HELZ: variants seen among roughly 807,000 people sequenced by gnomAD.
The protein encoded by HELZ is ATP-dependent RNA helicase with zinc finger domain.
HELZ carries 23 observed loss-of-function variants against 218.2 expected under a neutral mutation model. That is an observed-to-expected ratio of 0.11 (90% confidence interval 0.08 to 0.15). The LOEUF (loss-of-function observed/expected upper bound fraction) is 0.15, where lower values mean the gene tolerates loss of function less well. HELZ is among the 10% of genes least tolerant of loss of function. The pLI is 1.00. For synonymous variants in HELZ, 814 were observed against 829.4 expected (o/e 0.98, Z 0.32); for missense variants, 1,813 against 2,353.7 (o/e 0.77, Z 4.75).
At chr17:67,227,605 C>G (rs60346896) in intron 3 of HELZ, among the ~76,000 whole-genome samples, 4,698 of 152,176 alleles carry the variant, frequency 0.031, 248 homozygotes, top group African/African-American at 0.11. Context: ...AAGAATGGAG[C>G]CTCAAAAAGA....
At position 67,107,545 on chromosome 17, in the gene HELZ, G is replaced by A; in HGVS notation, c.4865C>T (p.Pro1622Leu). The A allele has an allele frequency of 1.2e-6, 2 of 1,614,158 alleles. No individual in the cohort carries two copies. The highest frequency in any genetic ancestry group is 1.7e-6 in the Non-Finnish European group (2 of 1,180,030). ...GTGGCTACTGTGGTCTGTACTGGAT[G>A]GGGGAGATGGGACTGCTGGTGGGCT... is the stretch of plus-strand genomic sequence containing the variant. ...SRSPPAVPSP[P>L]SSTDHSSHFS... The change falls in exon 31 of 33, where the codon CCA becomes CTA. Residue 1622 changes from proline (P) to leucine (L), a missense_variant. Coordinates refer to ENST00000358691, the MANE Select transcript of HELZ (RefSeq NM_014877.4).
chr17:67,180,680 C>T (rs1236785947), intron 12 of HELZ, among the ~76,000 whole-genome samples: 2 of 152,020 alleles, frequency 1.3e-5, no homozygotes, highest in African/African-American at 2.4e-5. Flanking sequence ...GAGTTCAAGA[C>T]CAGCCTGAGC....
chr17:67,164,180 G>A (rs1432914123), intron 15 of HELZ, among the ~76,000 whole-genome samples: 1 of 152,192 alleles, frequency 6.6e-6, no homozygotes, highest in Admixed American at 6.5e-5. Flanking sequence ...AAAGCTCAGA[G>A]TTTACCCAGA....
rs1235461166 is a variant in HELZ, at chr17:67,108,623, T to C, written c.4593A>G (p.Pro1531=). 5 of 1,614,054 alleles carry C rather than the reference T, an allele frequency of 3.1e-6. No individual in the cohort carries two copies. Among genetic ancestry groups the C allele is most frequent in the African/African-American group, 1.3e-5 (1 of 75,020 alleles). ...HHAFLSQGSA[P]YPHHHHPHLQ... is the part of the protein sequence containing the mutation. ...GGTGAGGATGGTGATGGTGTGGGTATGGAGCGCTGCCCTGACTGAGAAAGG... is the reference window on the plus strand; with the variant it reads ...GGTGAGGATGGTGATGGTGTGGGTACGGAGCGCTGCCCTGACTGAGAAAGG... Residue 1531 remains proline, a synonymous_variant, in exon 30 of 33, where the codon CCA becomes CCG. Coordinates refer to ENST00000358691, the MANE Select transcript of HELZ (RefSeq NM_014877.4). The surrounding 1 kb of genome is among the most constrained non-coding windows in gnomAD (Gnocchi z 4.1).
At chr17:67,093,501 A>G (rs972006130) in intron 31 of HELZ, among the ~76,000 whole-genome samples, 1 of 152,266 alleles carries the variant, frequency 6.6e-6, no homozygotes, top group African/African-American at 2.4e-5. Flanking sequence ...TCTCTAAAGC[A>G]ATGCTGTCCA....
intron 31 of HELZ, among the ~76,000 whole-genome samples, chr17:67,092,896 G>GC (rs564238394): frequency 7.9e-5 from 12 of 151,578 alleles, no homozygotes; most frequent in South Asian, 2.1e-4. Flanking sequence ...AACCGGCGGG[G>GC]GGGGGAAGTT....
Position 67,203,301 on chromosome 17 carries a change from T to A in HELZ, c.372+18A>T, listed in dbSNP as rs1329517651. 3 of 1,611,758 alleles carry A rather than the reference T, an allele frequency of 1.9e-6. No homozygotes were observed. The African/African-American group carries it at 4.0e-5, about 22-fold the overall frequency. On this transcript the variant is annotated intron_variant, in intron 6 of 32. Transcript: ENST00000358691. ...AAATTTGTTTTCAGGCATACAAAAT[T>A]AGAGCTTATCAACATACCAGGGACT...
intron 17 of HELZ, among the ~76,000 whole-genome samples, chr17:67,159,832 G>A (rs996124634): frequency 2.6e-5 from 4 of 152,012 alleles, no homozygotes; most frequent in Admixed American, 2.6e-4. Context: ...CTAATGTGTA[G>A]CTTCTATGAA....
intron 5 of HELZ, among the ~76,000 whole-genome samples, chr17:67,212,963 A>G (rs1164353940): frequency 6.6e-6 from 1 of 152,246 alleles, no homozygotes; most frequent in South Asian, 2.1e-4. Flanking sequence ...TATCTTAGGC[A>G]TCGGTTAAAC....
At chr17:67,157,443 C>A (rs188887070) in intron 17 of HELZ, among the ~76,000 whole-genome samples, 1 of 152,172 alleles carries the variant, frequency 6.6e-6, no homozygotes, top group East Asian at 1.9e-4. Context: ...ATATTCTAGT[C>A]CCAACTTTTA....
At chr17:67,241,416 AATG>A (rs775708038) in intron 2 of HELZ, among the ~76,000 whole-genome samples, 4 of 152,200 alleles carry the variant, frequency 2.6e-5, no homozygotes. Context: ...ATTCAATATT[AATG>A]CCAAGCCTAC....
chr17:67,212,734 C>T (rs891778021), intron 5 of HELZ, among the ~76,000 whole-genome samples: 3 of 152,202 alleles, frequency 2.0e-5, no homozygotes, highest in Non-Finnish European at 4.4e-5. Context: ...AATTAATGAA[C>T]TCCTTCCTTA....
chr17:67,238,530 A>G (rs1177431057), intron 3 of HELZ, among the ~76,000 whole-genome samples: 2 of 151,874 alleles, frequency 1.3e-5, no homozygotes, highest in Admixed American at 1.3e-4. Flanking sequence ...AAAAATACAA[A>G]AAGTAGCTGG....
intron 16 of HELZ, 148 bp downstream of exon 16, chr17:67,160,749 G>A: frequency 5.2e-6 from 3 of 571,956 alleles, no homozygotes; most frequent in Non-Finnish European, 5.9e-6. Flanking sequence ...AGTGCTCTGG[G>A]GTTTGGATTT....
intron 17 of HELZ, among the ~76,000 whole-genome samples, chr17:67,157,824 C>A (rs534268608): frequency 7.4e-4 from 113 of 152,152 alleles, no homozygotes; most frequent in African/African-American, 2.5e-3. Flanking sequence ...CTTTGAAGAT[C>A]AATATAAAAC....
At chr17:67,158,554 T>A (rs993394934) in intron 17 of HELZ, among the ~76,000 whole-genome samples, 1 of 152,182 alleles carries the variant, frequency 6.6e-6, no homozygotes, top group African/African-American at 2.4e-5. Flanking sequence ...CAGGACTACA[T>A]AAAGAAAATA....
chr17:67,128,451 A>G (rs2037871790), intron 24 of HELZ, 200 bp downstream of exon 24: 3 of 591,876 alleles, frequency 5.1e-6, no homozygotes, highest in Non-Finnish European at 6.1e-6. Flanking sequence ...GAGAATGATC[A>G]TAACATTAAG....
intron 17 of HELZ, among the ~76,000 whole-genome samples, chr17:67,155,533 A>C (rs2038813764): frequency 1.3e-5 from 2 of 152,258 alleles, no homozygotes; most frequent in South Asian, 4.1e-4. Flanking sequence ...ATTATTTGTT[A>C]GGAGCAAATA....
chr17:67,201,106 C>T (rs763299139), intron 7 of HELZ, 23 bp downstream of exon 7: 20 of 1,540,854 alleles, frequency 1.3e-5, no homozygotes, highest in East Asian at 4.5e-5. Flanking sequence ...CTCTTCCAAA[C>T]GGATCCACTG....
Sources: gnomAD v4.1 joint callset for allele counts (sites outside exome capture counted in the v4.1 genomes callset) on GRCh38, gnomAD v4.1.1 for gene constraint, Gnocchi (gnomAD v3.1) non-coding constraint, MANE v1.5 for transcripts, NCBI Gene and HGNC (gene_info 2026-07-23, HGNC 2026-07-21) for gene names.